SLC24A3: variants seen among roughly 807,000 people sequenced by gnomAD.
SLC24A3 encodes solute carrier family 24 member 3.
A neutral mutation model predicts 75.8 loss-of-function variants in SLC24A3; 28 were observed. The ratio of observed to expected loss-of-function variants is 0.37; its 90% CI spans 0.27 to 0.51. The LOEUF is 0.51. Among genes scored for constraint, SLC24A3 ranks in the 20% least tolerant of loss-of-function variants. SLC24A3 has a pLI of 0.94. For synonymous variants in SLC24A3, 372 were observed against 334.1 expected (o/e 1.11, Z -1.24); for missense variants, 663 against 847.8 (o/e 0.78, Z 2.71).
At chr20:19,604,249 G>C (rs1453623477) in intron 6 of SLC24A3, among the ~76,000 whole-genome samples, 1 of 151,524 alleles carries the variant, frequency 6.6e-6, no homozygotes, top group Non-Finnish European at 1.5e-5. Flanking sequence ...GGAGTGAGGG[G>C]CTGGCATGAG....
chr20:19,483,658 G>T (rs115650360), intron 2 of SLC24A3, among the ~76,000 whole-genome samples: 1,949 of 152,266 alleles, frequency 0.013, 47 homozygotes, highest in African/African-American at 0.045. Context: ...AAAGCTACTG[G>T]ATCTACATGG....
intron 2 of SLC24A3, among the ~76,000 whole-genome samples, chr20:19,437,411 A>G (rs1987223511): frequency 6.6e-6 from 1 of 152,170 alleles, no homozygotes; most frequent in Non-Finnish European, 1.5e-5. Flanking sequence ...CCATGATTGT[A>G]GTTTTCTCAG....
At chr20:19,384,736 A>T (rs994250355) in intron 2 of SLC24A3, among the ~76,000 whole-genome samples, 7 of 152,332 alleles carry the variant, frequency 4.6e-5, no homozygotes, top group Admixed American at 1.3e-4. Context: ...TTCTCATTTT[A>T]ATTCTCTGAA....
At chr20:19,497,137 G>A (rs1169390194) in intron 2 of SLC24A3, among the ~76,000 whole-genome samples, 1 of 152,168 alleles carries the variant, frequency 6.6e-6, no homozygotes, top group African/African-American at 2.4e-5. Flanking sequence ...CCTACAAAAG[G>A]TGCCAACATG....
At chr20:19,510,626 C>A (rs1206473156) in intron 2 of SLC24A3, among the ~76,000 whole-genome samples, 1 of 152,072 alleles carries the variant, frequency 6.6e-6, no homozygotes, top group Admixed American at 6.5e-5. Context: ...AAGAGTGGGA[C>A]CCCAATCATG....
chr20:19,711,449 C>T (rs549336584), intron 15 of SLC24A3, among the ~76,000 whole-genome samples: 4 of 150,752 alleles, frequency 2.7e-5, no homozygotes, highest in South Asian at 2.1e-4. Context: ...CAGGCAAACG[C>T]GTGCACACAC....
At chr20:19,277,745 C>T (rs2122219253) in intron 1 of SLC24A3, among the ~76,000 whole-genome samples, 1 of 152,212 alleles carries the variant, frequency 6.6e-6, no homozygotes, top group East Asian at 1.9e-4. Flanking sequence ...CTCTAATTTT[C>T]TGCTACAATA....
intron 6 of SLC24A3, among the ~76,000 whole-genome samples, chr20:19,642,709 T>G (rs1226599630): frequency 6.6e-6 from 1 of 152,194 alleles, no homozygotes; most frequent in Admixed American, 6.5e-5. Context: ...AAGCTGAAAA[T>G]CCACATAAAT....
At chr20:19,391,287 G>A (rs1437105292) in intron 2 of SLC24A3, among the ~76,000 whole-genome samples, 1 of 152,182 alleles carries the variant, frequency 6.6e-6, no homozygotes, top group East Asian at 1.9e-4. Flanking sequence ...CACCAGTAGT[G>A]TCTTGATGAC....
chr20:19,627,281 A>G (rs780490926), intron 6 of SLC24A3, among the ~76,000 whole-genome samples: 5 of 152,194 alleles, frequency 3.3e-5, no homozygotes, highest in African/African-American at 4.8e-5. Context: ...CCCAACCACT[A>G]TCTTCTTCAT....
chr20:19,304,277 T>C (rs1984267936), intron 2 of SLC24A3, among the ~76,000 whole-genome samples: 1 of 152,228 alleles, frequency 6.6e-6, no homozygotes, highest in Non-Finnish European at 1.5e-5. Context: ...GATGGCATCA[T>C]GGTCTTTAAG....
chr20:19,698,771 A>G (rs1280064290), intron 15 of SLC24A3, 91 bp downstream of exon 15: 9 of 956,674 alleles, frequency 9.4e-6, no homozygotes, highest in Admixed American at 2.2e-5. Flanking sequence ...GTCTCGGGGA[A>G]AAAGGGGTGT....
At chr20:19,558,451 G>A (rs8117786) in intron 3 of SLC24A3, among the ~76,000 whole-genome samples, 5,919 of 150,836 alleles carry the variant, frequency 0.039, 137 homozygotes, top group East Asian at 0.077. Flanking sequence ...CAAATTTGAC[G>A]TCTACAGACA....
At chr20:19,230,737 G>T (rs926503495) in intron 1 of SLC24A3, among the ~76,000 whole-genome samples, 6 of 152,008 alleles carry the variant, frequency 3.9e-5, no homozygotes, top group Non-Finnish European at 7.4e-5. Context: ...CACACCTGGG[G>T]ACCCATGTGC....
chr20:19,361,202 T>G (rs1322553961), intron 2 of SLC24A3, among the ~76,000 whole-genome samples: 1 of 152,212 alleles, frequency 6.6e-6, no homozygotes, highest in Non-Finnish European at 1.5e-5. Flanking sequence ...AGATATCTGC[T>G]AAAGCTTTGC....
chr20:19,250,595 TCAAC>T (rs1982624382), intron 1 of SLC24A3, among the ~76,000 whole-genome samples: 1 of 152,208 alleles, frequency 6.6e-6, no homozygotes, highest in Non-Finnish European at 1.5e-5. Context: ...AAAAACTACT[TCAAC>T]CAGAAGAGAG....
chr20:19,577,164 C>T (rs1230515322), intron 3 of SLC24A3, among the ~76,000 whole-genome samples: 1 of 151,978 alleles, frequency 6.6e-6, no homozygotes, highest in Non-Finnish European at 1.5e-5. Flanking sequence ...ATGCCATTCT[C>T]CTGCCTCAGC....
intron 2 of SLC24A3, among the ~76,000 whole-genome samples, chr20:19,298,371 C>T (rs1432948453): frequency 6.6e-6 from 1 of 152,190 alleles, no homozygotes; most frequent in East Asian, 1.9e-4. Flanking sequence ...TCCTGACACA[C>T]AAGTTGATTT....
At chr20:19,620,699 T>G (rs1223415068) in intron 6 of SLC24A3, among the ~76,000 whole-genome samples, 3 of 152,192 alleles carry the variant, frequency 2.0e-5, no homozygotes, top group Non-Finnish European at 4.4e-5. Context: ...TTAACGCATG[T>G]GTTGCTTACC....
Sources: gnomAD v4.1 joint callset for allele counts (sites outside exome capture counted in the v4.1 genomes callset) on GRCh38, gnomAD v4.1.1 for gene constraint, MANE v1.5 for transcripts, NCBI Gene and HGNC (gene_info 2026-07-23, HGNC 2026-07-21) for gene names.